Variants in PDE4D observed in about 807,000 individuals in gnomAD.
PDE4D encodes 3',5'-cyclic-AMP phosphodiesterase 4D.
A neutral mutation model predicts 87.4 loss-of-function variants in PDE4D; 24 were observed. The observed-to-expected ratio is 0.27, with a 90% CI of 0.20 to 0.39. The LOEUF (loss-of-function observed/expected upper bound fraction) is 0.39. Ranked by LOEUF, PDE4D falls within the 10% of genes least tolerant of loss-of-function variation. The pLI is 1.00. For missense variants in PDE4D, 714 were observed against 1,041.0 expected (o/e 0.69, Z 4.32); for synonymous variants, 384 against 383.2 (o/e 1.00, Z -0.02).
intron 5 of PDE4D, among the ~76,000 whole-genome samples, chr5:59,146,853 C>T (rs1268919866): frequency 6.6e-6 from 1 of 152,150 alleles, no homozygotes; most frequent in Non-Finnish European, 1.5e-5. Context: ...CTGAACACCT[C>T]TTTCACATTT....
intron 1 of PDE4D, among the ~76,000 whole-genome samples, chr5:59,449,265 T>C (rs1798792622): frequency 6.6e-6 from 1 of 152,142 alleles, no homozygotes; most frequent in Admixed American, 6.5e-5. Flanking sequence ...AGTCCCCCTT[T>C]TACTACTTGA....
chr5:60,272,912 C>G (rs1360927149), intron 1 of PDE4D, among the ~76,000 whole-genome samples: 1 of 152,184 alleles, frequency 6.6e-6, no homozygotes. Flanking sequence ...AAGCCACTAT[C>G]TATAATGTGA....
intron 1 of PDE4D, among the ~76,000 whole-genome samples, chr5:59,609,987 G>C (rs1438542960): frequency 6.6e-6 from 1 of 152,178 alleles, no homozygotes; most frequent in Non-Finnish European, 1.5e-5. Context: ...CCCTGAGAGA[G>C]CAAGAAGGGA....
chr5:60,137,734 G>A (rs1362148435), intron 2 of PDE4D, among the ~76,000 whole-genome samples: 1 of 152,022 alleles, frequency 6.6e-6, no homozygotes, highest in Non-Finnish European at 1.5e-5. Flanking sequence ...CCATTCTGTA[G>A]GCTGTTTACT....
At chr5:59,617,100 T>C (rs1829802119) in intron 1 of PDE4D, among the ~76,000 whole-genome samples, 1 of 151,724 alleles carries the variant, frequency 6.6e-6, no homozygotes, top group African/African-American at 2.4e-5. Flanking sequence ...TGACTAAAAA[T>C]ATATCCTCCA....
chr5:60,014,093 A>T (rs1438167747), intron 2 of PDE4D, among the ~76,000 whole-genome samples: 5 of 92,896 alleles, frequency 5.4e-5, no homozygotes. Flanking sequence ...CTCCACCTTA[A>T]AAAAAAAAAA....
intron 1 of PDE4D, among the ~76,000 whole-genome samples, chr5:60,300,212 G>C (rs1221637264): frequency 6.6e-6 from 1 of 152,068 alleles, no homozygotes; most frequent in Non-Finnish European, 1.5e-5. Context: ...CAAAGTGTCT[G>C]TTCATGTCAT....
intron 1 of PDE4D, among the ~76,000 whole-genome samples, chr5:60,427,928 T>C (rs1203236410): frequency 6.6e-6 from 1 of 151,830 alleles, no homozygotes; most frequent in Non-Finnish European, 1.5e-5. Context: ...AAATAAAAAA[T>C]TAACTAGGTG....
At chr5:59,435,598 C>A (rs186809684) in intron 1 of PDE4D, among the ~76,000 whole-genome samples, 1 of 152,308 alleles carries the variant, frequency 6.6e-6, no homozygotes, top group East Asian at 1.9e-4. Context: ...CTTTACCACA[C>A]TGTTTCATAG....
chr5:59,348,270 G>A (rs1779922477), intron 1 of PDE4D, among the ~76,000 whole-genome samples: 1 of 152,062 alleles, frequency 6.6e-6, no homozygotes, highest in South Asian at 2.1e-4. Flanking sequence ...GTATTATTAT[G>A]TTTTTGGGGC....
intron 1 of PDE4D, among the ~76,000 whole-genome samples, chr5:60,203,664 G>A (rs554487805): frequency 4.6e-5 from 7 of 152,230 alleles, no homozygotes; most frequent in Admixed American, 1.3e-4. Context: ...AATGTAATTC[G>A]TAGCTAAAGA....
intron 1 of PDE4D, among the ~76,000 whole-genome samples, chr5:59,820,678 C>T (rs1166192988): frequency 6.6e-6 from 1 of 152,152 alleles, no homozygotes; most frequent in East Asian, 1.9e-4. Flanking sequence ...TGGGACATTG[C>T]AGTTGTTTTG....
chr5:59,943,813 C>T (rs1472327019), intron 3 of PDE4D, among the ~76,000 whole-genome samples: 1 of 152,162 alleles, frequency 6.6e-6, no homozygotes, highest in Non-Finnish European at 1.5e-5. Context: ...CCAAACACTA[C>T]CATTTTTCAA....
chr5:60,444,474 A>G (rs968996859), intron 1 of PDE4D, among the ~76,000 whole-genome samples: 1 of 152,150 alleles, frequency 6.6e-6, no homozygotes, highest in Admixed American at 6.5e-5. Flanking sequence ...AGAGTAGAAG[A>G]GTCACGGTAA....
At chr5:59,091,438 C>G (rs531633848) in intron 5 of PDE4D, among the ~76,000 whole-genome samples, 36 of 152,110 alleles carry the variant, frequency 2.4e-4, no homozygotes, top group African/African-American at 6.3e-4. Context: ...CAACAGAATG[C>G]TATATATCAT....
chr5:59,472,372 G>A (rs1441279935), intron 1 of PDE4D, among the ~76,000 whole-genome samples: 1 of 152,158 alleles, frequency 6.6e-6, no homozygotes, highest in Admixed American at 6.5e-5. Context: ...GGCTGGAAGA[G>A]AGGTATGTCA....
chr5:59,696,427 A>T lies in PDE4D; in HGVS notation c.455+196741T>A, dbSNP rs376248398. On this transcript the variant is annotated intron_variant, in intron 1 of 14. Coordinates refer to ENST00000340635, the MANE Select transcript of PDE4D (RefSeq NM_001104631.2). ...CTTACATTCTATTGAAGGGAGACAG[A>T]CAATAAGCAATATCTTAATATACAT... Among the ~76,000 whole-genome samples the T allele has an allele frequency of 2.6e-5, 4 of 152,350 alleles. No homozygotes were observed. The East Asian group carries it at 7.7e-4, about 29-fold the overall frequency.
intron 1 of PDE4D, among the ~76,000 whole-genome samples, chr5:60,439,053 T>TATGAC (rs1283445860): frequency 3.3e-5 from 5 of 152,134 alleles, no homozygotes; most frequent in Non-Finnish European, 7.4e-5. Flanking sequence ...ATGTACATGA[T>TATGAC]ATGACATATA....
chr5:59,459,886 T>A (rs1259307826), intron 1 of PDE4D, among the ~76,000 whole-genome samples: 1 of 152,126 alleles, frequency 6.6e-6, no homozygotes, highest in Non-Finnish European at 1.5e-5. Context: ...GCATGTGAAG[T>A]CAGATATCAA....
Sources: allele counts gnomAD v4.1 joint callset (sites outside exome capture counted in the v4.1 genomes callset), GRCh38; gene constraint gnomAD v4.1.1; transcripts MANE v1.5; gene names NCBI Gene and HGNC (gene_info 2026-07-23, HGNC 2026-07-21).